The following SEMA6D variants were observed in gnomAD, a reference collection of about 807,000 sequenced individuals.
The protein encoded by SEMA6D is semaphorin 6D.
In SEMA6D, 35 loss-of-function variants were observed where a neutral mutation model predicts 106.6. The observed-to-expected ratio is 0.33, with a 90% CI of 0.25 to 0.44. The LOEUF (loss-of-function observed/expected upper bound fraction) is 0.44, where lower values mean the gene tolerates loss of function less well. Ranked by LOEUF, SEMA6D falls within the 20% of genes least tolerant of loss-of-function variation. The pLI, the probability that SEMA6D is intolerant of heterozygous loss-of-function variation, is 1.00. For synonymous variants in SEMA6D, 499 were observed against 487.7 expected, an observed-to-expected ratio of 1.02 and a Z score of -0.31; for missense variants, 1,185 against 1,345.9, an observed-to-expected ratio of 0.88 and a Z score of 1.87.
Position 47,627,522 on chromosome 15 carries a change from A to G in SEMA6D, c.-55+26626A>G, listed in dbSNP as rs185676459. On this transcript the variant is annotated intron_variant, in intron 4 of 19. Coordinates refer to the SEMA6D transcript ENST00000558014. ...AAAATGGGATAATAATCACAGAGATATGGTGAGAATTTATGCTATAGTACG... is the reference window on the plus strand; with the variant it reads ...AAAATGGGATAATAATCACAGAGATGTGGTGAGAATTTATGCTATAGTACG... Among the ~76,000 whole-genome samples, 11 of 152,336 alleles carry G rather than the reference A, an allele frequency of 7.2e-5. No individual in the cohort carries two copies. In the East Asian group the frequency reaches 1.7e-3, roughly 24 times the overall value.
chr15:47,209,941 A>G (rs1895366518), intron 1 of SEMA6D, among the ~76,000 whole-genome samples: 1 of 152,206 alleles, frequency 6.6e-6, no homozygotes, highest in African/African-American at 2.4e-5. Context: ...ACCAGTGTGA[A>G]TGTTAGGTTT....
chr15:47,761,310 G>A lies in SEMA6D; in HGVS notation c.346-20G>A, dbSNP rs1414164058. Reference sequence around the variant, plus strand: ...GCATGTTCAAATGTCTAATATTAATGTAACTACTACTTTCTTTAGGATGAA... The same window carrying A: ...GCATGTTCAAATGTCTAATATTAATATAACTACTACTTTCTTTAGGATGAA... On this transcript the variant is annotated intron_variant, in intron 5 of 18. Coordinates refer to ENST00000536845, the MANE Select transcript of SEMA6D (RefSeq NM_001358351.3). 23 of 1,609,964 alleles carry A rather than the reference G, an allele frequency of 1.4e-5. No homozygotes were observed. Among genetic ancestry groups the A allele is most frequent in the African/African-American group, 4.0e-5 (3 of 74,830 alleles).
At chr15:47,568,911 T>C (rs1042984896) in intron 3 of SEMA6D, among the ~76,000 whole-genome samples, 3 of 152,128 alleles carry the variant, frequency 2.0e-5, no homozygotes, top group Non-Finnish European at 4.4e-5. Context: ...ATTATGGCCA[T>C]CATTAATTCT....
chr15:47,763,253 A>T (rs1244378244), intron 9 of SEMA6D, 149 bp downstream of exon 9: 2 of 544,240 alleles, frequency 3.7e-6, no homozygotes, highest in Non-Finnish European at 6.4e-6. Flanking sequence ...GTTGCTTATC[A>T]TGAGAATAAT....
At chr15:47,641,152 C>T (rs2077482027) in intron 4 of SEMA6D, among the ~76,000 whole-genome samples, 1 of 152,348 alleles carries the variant, frequency 6.6e-6, no homozygotes, top group East Asian at 1.9e-4. Flanking sequence ...CTCGCATCCC[C>T]TTCCCACCTG....
intron 1 of SEMA6D, among the ~76,000 whole-genome samples, chr15:47,186,134 AT>A (rs2140888699): frequency 6.6e-6 from 1 of 152,230 alleles, no homozygotes; most frequent in South Asian, 2.1e-4. Flanking sequence ...CTGGTTGTAA[AT>A]CCCAGTAGTT....
At chr15:47,361,643 T>C (rs2145114098) in intron 1 of SEMA6D, among the ~76,000 whole-genome samples, 1 of 152,270 alleles carries the variant, frequency 6.6e-6, no homozygotes, top group South Asian at 2.1e-4. Flanking sequence ...TAGCCCAGTG[T>C]CCGTCATTTA....
chr15:47,728,518 G>A (rs1360675089), intron 1 of SEMA6D, among the ~76,000 whole-genome samples: 1 of 152,158 alleles, frequency 6.6e-6, no homozygotes, highest in Admixed American at 6.5e-5. Flanking sequence ...GCCTTTTGGG[G>A]CACTTAGTTT....
At chr15:47,649,479 A>G (rs892650107) in intron 4 of SEMA6D, among the ~76,000 whole-genome samples, 1 of 152,220 alleles carries the variant, frequency 6.6e-6, no homozygotes, top group Non-Finnish European at 1.5e-5. Context: ...GAAGTCATCA[A>G]AAGACAGTGC....
chr15:47,328,008 TCTA>T (rs2037199379), intron 1 of SEMA6D, among the ~76,000 whole-genome samples: 1 of 152,194 alleles, frequency 6.6e-6, no homozygotes, highest in African/African-American at 2.4e-5. Flanking sequence ...TGTTCATGGA[TCTA>T]CTGCAAGTGA....
intron 1 of SEMA6D, among the ~76,000 whole-genome samples, chr15:47,267,253 T>C (rs1283698090): frequency 1.3e-5 from 2 of 152,140 alleles, no homozygotes; most frequent in Non-Finnish European, 2.9e-5. Context: ...TTTAAAACTT[T>C]GTAGATCTGT....
intron 4 of SEMA6D, among the ~76,000 whole-genome samples, chr15:47,627,784 G>A (rs2077227992): frequency 6.6e-6 from 1 of 152,022 alleles, no homozygotes; most frequent in Non-Finnish European, 1.5e-5. Flanking sequence ...GTCAAGATAA[G>A]AGTATAGCTC....
At chr15:47,385,263 G>C (rs1293182091) in intron 1 of SEMA6D, among the ~76,000 whole-genome samples, 1 of 151,964 alleles carries the variant, frequency 6.6e-6, no homozygotes, top group African/African-American at 2.4e-5. Flanking sequence ...AGTCAAGTAA[G>C]GGGCTTCATA....
In SEMA6D at chr15:47,440,122, G is replaced by A. The variant is rs889696364; in HGVS notation, c.-159+27650G>A. ...GCTATGAATATGCCAAGACAGTTGT[G>A]CACGTGTTAGAGACTGGATGAAAGC... On this transcript the variant is annotated intron_variant, in intron 2 of 19. Transcript: ENST00000558014. Among the ~76,000 whole-genome samples the A allele has an allele frequency of 6.0e-5, 9 of 150,596 alleles. No homozygotes were observed. In the South Asian group the frequency reaches 1.0e-3, roughly 17 times the overall value.
At chr15:47,444,336 C>T (rs571579784) in intron 2 of SEMA6D, among the ~76,000 whole-genome samples, 1 of 152,120 alleles carries the variant, frequency 6.6e-6, no homozygotes, top group Non-Finnish European at 1.5e-5. Flanking sequence ...GCAAGGATGA[C>T]TTTCAGTGGA....
chr15:47,704,000 T>C (rs2078865621), intron 4 of SEMA6D, among the ~76,000 whole-genome samples: 1 of 152,202 alleles, frequency 6.6e-6, no homozygotes, highest in Non-Finnish European at 1.5e-5. Flanking sequence ...ATTTTTGATA[T>C]TTTGATATAT....
At chr15:47,327,650 A>G (rs2037183978) in intron 1 of SEMA6D, among the ~76,000 whole-genome samples, 2 of 152,228 alleles carry the variant, frequency 1.3e-5, no homozygotes, top group South Asian at 4.1e-4. Context: ...GCAAGCCACA[A>G]CAAAGAACAT....
chr15:47,707,511 C>T (rs560495499), intron 4 of SEMA6D, among the ~76,000 whole-genome samples: 165 of 152,276 alleles, frequency 1.1e-3, no homozygotes, highest in Non-Finnish European at 9.8e-4. Flanking sequence ...TGAATTGCCA[C>T]GTCTGCATTT....
At chr15:47,394,951 T>C (rs1318243007) in intron 1 of SEMA6D, among the ~76,000 whole-genome samples, 1 of 152,052 alleles carries the variant, frequency 6.6e-6, no homozygotes, top group African/African-American at 2.4e-5. Context: ...TGTTGTCATT[T>C]TATACCAAAG....
Sources: gnomAD v4.1 joint callset for allele counts (sites outside exome capture counted in the v4.1 genomes callset) on GRCh38, gnomAD v4.1.1 for gene constraint, MANE v1.5 for transcripts, NCBI Gene and HGNC (gene_info 2026-07-23, HGNC 2026-07-21) for gene names.